Variants in MSH3 observed in about 807,000 individuals in gnomAD.
MSH3 encodes mutS homolog 3, also known as DNA mismatch repair protein Msh3.
In MSH3, 106 loss-of-function variants were observed where a neutral mutation model predicts 123.3. The ratio of observed to expected loss-of-function variants is 0.86; its 90% CI spans 0.73 to 1.01. MSH3 has a LOEUF of 1.01. Among genes scored for constraint, MSH3 ranks in the 50% least tolerant of loss-of-function variants. MSH3 has a pLI of 0.00. For missense variants in MSH3, 1,459 were observed against 1,347.6 expected (o/e 1.08, Z -1.29); for synonymous variants, 515 against 481.4 (o/e 1.07, Z -0.91).
intron 10 of MSH3, among the ~76,000 whole-genome samples, chr5:80,729,478 A>G (rs1743372468): frequency 6.7e-6 from 1 of 149,310 alleles, no homozygotes; most frequent in African/African-American, 2.5e-5. Flanking sequence ...ATATATATAT[A>G]TAAAGAATTC....
intron 20 of MSH3, among the ~76,000 whole-genome samples, chr5:80,823,788 A>G (rs1245583994): frequency 6.6e-6 from 1 of 152,200 alleles, no homozygotes; most frequent in Non-Finnish European, 1.5e-5. Flanking sequence ...AGGGAAGGTC[A>G]GCAGATAAAC....
intron 10 of MSH3, among the ~76,000 whole-genome samples, chr5:80,730,176 A>G (rs1743385974): frequency 6.6e-6 from 1 of 152,236 alleles, no homozygotes; most frequent in African/African-American, 2.4e-5. Flanking sequence ...GTAATGTTAT[A>G]TAGCAGTGAA....
chr5:80,871,110 G>C (rs1156458644), intron 22 of MSH3, among the ~76,000 whole-genome samples: 1 of 152,184 alleles, frequency 6.6e-6, no homozygotes, highest in Admixed American at 6.5e-5. Context: ...CTAGGAGGCA[G>C]ATTCTGAGAT....
At chr5:80,791,108 TTCTA>T (rs1744599026) in intron 18 of MSH3, among the ~76,000 whole-genome samples, 1 of 152,232 alleles carries the variant, frequency 6.6e-6, no homozygotes, top group South Asian at 2.1e-4. Flanking sequence ...GATAGTATTC[TTCTA>T]TCTTTTATAA....
intron 12 of MSH3, among the ~76,000 whole-genome samples, chr5:80,756,401 A>G (rs1300428525): frequency 1.3e-5 from 2 of 152,204 alleles, no homozygotes; most frequent in Non-Finnish European, 2.9e-5. Context: ...TTTTTGAAAC[A>G]GCTTTCTAAC....
intron 8 of MSH3, among the ~76,000 whole-genome samples, chr5:80,684,772 T>C (rs528410790): frequency 3.1e-4 from 47 of 152,312 alleles, no homozygotes; most frequent in African/African-American, 1.1e-3. Context: ...TATTTCTCAA[T>C]TCAGTATGAT....
In MSH3 at chr5:80,864,839, C is replaced by G. The variant is rs145319344; in HGVS notation, c.3027C>G (p.Thr1009=). The part of the protein sequence containing the change: ...RDVKSLTLFV[T]HYPPVCELEK... ...TGAAATCCTTAACCCTGTTTGTCAC[C>G]CATTATCCGCCAGTTTGTGAACTAG... Residue 1009 remains threonine (T), a synonymous_variant, in exon 22 of 24, where the codon ACC becomes ACG. Coordinates refer to ENST00000265081, the MANE Select transcript of MSH3 (RefSeq NM_002439.5). The G allele has an allele frequency of 5.1e-5, 82 of 1,612,332 alleles. No homozygotes were observed. The African/African-American group carries it at 9.5e-4, about 19-fold the overall frequency.
chr5:80,809,961 A>G (rs1402221390), intron 19 of MSH3, among the ~76,000 whole-genome samples: 1 of 151,960 alleles, frequency 6.6e-6, no homozygotes, highest in African/African-American at 2.4e-5. Context: ...ACAGACACCT[A>G]TTTACCCATC....
At chr5:80,764,516 A>ATTTTT (rs575667262) in intron 13 of MSH3, among the ~76,000 whole-genome samples, 1 of 128,816 alleles carries the variant, frequency 7.8e-6, no homozygotes. Flanking sequence ...ATGCCCAGCT[A>ATTTTT]TTTTTTTTTT....
At chr5:80,661,313 T>A in intron 2 of MSH3, among the ~76,000 whole-genome samples, 1 of 152,184 alleles carries the variant, frequency 6.6e-6, no homozygotes. Context: ...ATCTGTTAAG[T>A]CATTGAGGCT....
intron 20 of MSH3, among the ~76,000 whole-genome samples, chr5:80,838,372 C>G (rs1464437836): frequency 2.0e-5 from 3 of 152,128 alleles, no homozygotes; most frequent in African/African-American, 7.2e-5. Flanking sequence ...CTTTTGAGCA[C>G]TAAACCTCAG....
At chr5:80,874,415 C>G (rs1441022875) in intron 23 of MSH3, among the ~76,000 whole-genome samples, 2 of 152,152 alleles carry the variant, frequency 1.3e-5, no homozygotes, top group Non-Finnish European at 2.9e-5. Flanking sequence ...TTCCAAATTG[C>G]AATGCCAAAA....
intron 19 of MSH3, 71 bp from the exon 20 acceptor site, chr5:80,813,513 T>G: frequency 6.7e-7 from 1 of 1,485,274 alleles, no homozygotes; most frequent in Admixed American, 1.7e-5. Context: ...CATTTCCACT[T>G]ATGAGATAAA....
chr5:80,840,680 T>A (rs1006588804), intron 20 of MSH3, among the ~76,000 whole-genome samples: 5 of 151,946 alleles, frequency 3.3e-5, no homozygotes, highest in Non-Finnish European at 7.4e-5. Context: ...TATGCCATGT[T>A]GGTTTGCTGC....
chr5:80,810,168 C>CATATATATATATATATATATAT, intron 19 of MSH3, among the ~76,000 whole-genome samples: 1 of 32,038 alleles, frequency 3.1e-5, no homozygotes, highest in African/African-American at 1.1e-4. Context: ...TTTTGTTTGA[C>CATATATATATATATATATATAT]ATACATATAT....
intron 22 of MSH3, among the ~76,000 whole-genome samples, chr5:80,865,179 T>G (rs6151920): frequency 0.02 from 3,101 of 152,268 alleles, 108 homozygotes; most frequent in African/African-American, 0.071. Context: ...GCAACCCTTT[T>G]CTCTTTTTTT....
At chr5:80,828,168 G>T (rs1015648006) in intron 20 of MSH3, among the ~76,000 whole-genome samples, 11 of 152,182 alleles carry the variant, frequency 7.2e-5, no homozygotes, top group African/African-American at 2.2e-4. Context: ...AGGTCAAGGG[G>T]CTACATCTGG....
chr5:80,822,561 G>A (rs1484462664), intron 20 of MSH3, among the ~76,000 whole-genome samples: 5 of 152,162 alleles, frequency 3.3e-5, no homozygotes, highest in African/African-American at 7.2e-5. Context: ...CAAAAAGTTC[G>A]ATAATACCGA....
chr5:80,851,207 A>G (rs10570342), intron 20 of MSH3, among the ~76,000 whole-genome samples: 20,262 of 115,276 alleles, frequency 0.18, 1,732 homozygotes, highest in East Asian at 0.47. Context: ...GATGGTTTTC[A>G]TAGTGTTAAT....
Sources: allele counts gnomAD v4.1 joint callset (sites outside exome capture counted in the v4.1 genomes callset), GRCh38; gene constraint gnomAD v4.1.1; transcripts MANE v1.5; gene names NCBI Gene and HGNC (gene_info 2026-07-23, HGNC 2026-07-21).